NIPAL3: variants seen among roughly 807,000 people sequenced by gnomAD.
NIPAL3 encodes NIPA-like protein 3.
In NIPAL3, 41 loss-of-function variants were observed where a neutral mutation model predicts 47.2. The observed-to-expected ratio is 0.87, with a 90% CI of 0.68 to 1.13. The LOEUF is 1.13. Ranked by LOEUF, NIPAL3 falls within the 50% of genes most tolerant of loss-of-function variation. The pLI, the probability that NIPAL3 is intolerant of heterozygous loss-of-function variation, is 0.00. For synonymous variants in NIPAL3, 194 were observed against 209.6 expected, an observed-to-expected ratio of 0.93 and a Z score of 0.64; for missense variants, 449 against 530.1, an observed-to-expected ratio of 0.85 and a Z score of 1.50.
At chr1:24,453,339 C>T (rs1399040985) in intron 6 of NIPAL3, 69 bp from the exon 7 acceptor site, 1 of 1,093,296 alleles carries the variant, frequency 9.1e-7, no homozygotes. Flanking sequence ...TGGCCCAGCC[C>T]ACCAGGGTCT....
intron 4 of NIPAL3, among the ~76,000 whole-genome samples, chr1:24,444,115 A>G (rs756386118): frequency 1.7e-4 from 26 of 152,184 alleles, no homozygotes; most frequent in Non-Finnish European, 3.4e-4. Flanking sequence ...TCATCCAGTG[A>G]GGAGTAATAT....
chr1:24,414,474 A>G (rs1054650732), upstream of NIPAL3: 2 of 141,048 alleles, frequency 1.4e-5, no homozygotes, highest in African/African-American at 2.7e-5. Flanking sequence ...CGACCTTGTC[A>G]CTCCCCTGCT....
intron 2 of NIPAL3, among the ~76,000 whole-genome samples, chr1:24,432,054 C>T (rs1486855248): frequency 6.6e-6 from 1 of 152,188 alleles, no homozygotes; most frequent in Non-Finnish European, 1.5e-5. Flanking sequence ...ATGGCACAAA[C>T]TAGGCACTGA....
intron 4 of NIPAL3, among the ~76,000 whole-genome samples, chr1:24,444,317 G>A (rs748884701): frequency 3.9e-5 from 6 of 151,996 alleles, no homozygotes; most frequent in Non-Finnish European, 7.4e-5. Context: ...ACCTCTCAGA[G>A]AGACAAAGGA....
intron 2 of NIPAL3, among the ~76,000 whole-genome samples, chr1:24,439,074 T>C (rs1645258600): frequency 6.6e-6 from 1 of 152,030 alleles, no homozygotes. Flanking sequence ...GTTGAAAAAT[T>C]ACCGATTGGG....
At chr1:24,435,808 G>A (rs1217467341) in intron 2 of NIPAL3, among the ~76,000 whole-genome samples, 3 of 152,216 alleles carry the variant, frequency 2.0e-5, no homozygotes, top group Non-Finnish European at 4.4e-5. Flanking sequence ...CAACAGGGGA[G>A]TTGAGGGGCT....
intron 7 of NIPAL3, among the ~76,000 whole-genome samples, chr1:24,455,573 A>C (rs568687520): frequency 6.6e-6 from 1 of 152,136 alleles, no homozygotes; most frequent in African/African-American, 2.4e-5. Context: ...AATCCCAGCT[A>C]TTAGGGAGGC....
At chr1:24,415,621 G>C (rs1643980633), upstream of NIPAL3, 1 of 154,128 alleles carries the variant, frequency 6.5e-6, no homozygotes, top group African/African-American at 2.4e-5. Flanking sequence ...GCCCCAGGTC[G>C]CTCCCTTATG....
intron 6 of NIPAL3, among the ~76,000 whole-genome samples, chr1:24,450,681 A>C (rs1645895185): frequency 1.3e-5 from 2 of 152,132 alleles, no homozygotes; most frequent in Non-Finnish European, 2.9e-5. Flanking sequence ...AGGTTAGCTG[A>C]CCTGCTCAGA....
In NIPAL3 at chr1:24,472,834, T is replaced by TGAA. The variant is rs1041274874; in HGVS notation, c.*3651_*3653dup. 2 of 152,062 alleles carry TGAA rather than the reference T, an allele frequency of 1.3e-5. No homozygotes were observed. The highest frequency in any genetic ancestry group is 4.8e-5 in the African/African-American group (2 of 41,410). The allele number at this position is 152,062 out of a possible 1,614,324, so 9.4% of individuals were successfully genotyped here. On this transcript the variant is annotated 3_prime_UTR_variant, in exon 12 of 12. Transcript: ENST00000374399. Reference sequence around the variant, plus strand: ...GTGTTTCTCTGAGAAGCGGTGTAAATGAAGTCACCTTAGAATATATTCTGT... The same window carrying TGAA: ...GTGTTTCTCTGAGAAGCGGTGTAAATGAAGAAGTCACCTTAGAATATATTCTGT...
In NIPAL3 at chr1:24,451,960, AAAG is replaced by A. The variant is rs1645958780; in HGVS notation, c.541-1442_541-1440del. On this transcript the variant is annotated intron_variant, in intron 6 of 11. Coordinates refer to ENST00000374399, the MANE Select transcript of NIPAL3 (RefSeq NM_020448.5). The surrounding 1 kb of genome is among the most constrained non-coding windows in gnomAD (Gnocchi z 4.5). ...AATATGGATTCACTGGAACAAAGACAAAGAAGAAACGGGGAAATGAAAGCAGCT... is the reference window on the plus strand; with the variant it reads ...AATATGGATTCACTGGAACAAAGACAAAGAAACGGGGAAATGAAAGCAGCT... 6.6e-6 allele frequency among the ~76,000 whole-genome samples: 1 copy of A among 152,338 alleles called. No homozygotes were observed. Among genetic ancestry groups the A allele is most frequent in the African/African-American group, 2.4e-5 (1 of 41,594 alleles).
At chr1:24,440,095 G>C in intron 2 of NIPAL3, 77 bp from the exon 3 acceptor site, 1 of 965,970 alleles carries the variant, frequency 1.0e-6, no homozygotes, top group Non-Finnish European at 1.5e-6. Flanking sequence ...GGCAGCAAAT[G>C]GTTGAGTGTC....
At chr1:24,421,129 G>A (rs1474366514) in intron 2 of NIPAL3, among the ~76,000 whole-genome samples, 1 of 151,982 alleles carries the variant, frequency 6.6e-6, no homozygotes, top group Non-Finnish European at 1.5e-5. Context: ...ACCAGCCCGG[G>A]CAAACATGAT....
chr1:24,467,191 C>T (rs531299172), intron 11 of NIPAL3, among the ~76,000 whole-genome samples: 25 of 152,252 alleles, frequency 1.6e-4, no homozygotes, highest in African/African-American at 5.1e-4. Flanking sequence ...CGGCCAGGCA[C>T]GGTGGCTCAC....
intron 2 of NIPAL3, among the ~76,000 whole-genome samples, chr1:24,434,851 A>G (rs923430694): frequency 1.3e-5 from 2 of 152,210 alleles, no homozygotes; most frequent in Non-Finnish European, 2.9e-5. Flanking sequence ...ATAACCAACA[A>G]GTCAATGAAA....
chr1:24,452,442 T>G (rs1215811782), intron 6 of NIPAL3, among the ~76,000 whole-genome samples: 1 of 152,212 alleles, frequency 6.6e-6, no homozygotes. Context: ...GATAAAATGC[T>G]TAGAACACTG....
In NIPAL3 at chr1:24,419,283, C is replaced by T. The variant is rs1352580512; in HGVS notation, c.-257-8C>T. Reference sequence around the variant, plus strand: ...ATGCATTTTTAATGTTCCTCTCCACCACCCTAGAGCACCGCAAGAACTGGA... The same window carrying T: ...ATGCATTTTTAATGTTCCTCTCCACTACCCTAGAGCACCGCAAGAACTGGA... On this transcript the variant is annotated splice_region_variant and splice_polypyrimidine_tract_variant and intron_variant, in intron 1 of 11. Transcript: ENST00000374399. The T allele has an allele frequency of 5.2e-6, 6 of 1,144,238 alleles. No individual in the cohort carries two copies. Among genetic ancestry groups the T allele is most frequent in the Non-Finnish European group, 6.4e-6 (6 of 931,740 alleles). 70.9% of individuals were successfully genotyped at this position (1,144,238 alleles called of 1,614,324 possible).
At chr1:24,464,210 G>A (rs1265238170) in intron 11 of NIPAL3, 90 bp downstream of exon 11, 2 of 950,530 alleles carry the variant, frequency 2.1e-6, no homozygotes, top group Admixed American at 2.5e-5. Flanking sequence ...CTGCTGTGCT[G>A]TGCCTTTATC....
chr1:24,458,068 T>C (rs1646304353), intron 8 of NIPAL3, among the ~76,000 whole-genome samples: 1 of 152,204 alleles, frequency 6.6e-6, no homozygotes, highest in East Asian at 1.9e-4. Flanking sequence ...ACAGAGATGA[T>C]GAGGGTAGTC....
Sources: gnomAD v4.1 joint callset for allele counts (sites outside exome capture counted in the v4.1 genomes callset) on GRCh38, gnomAD v4.1.1 for gene constraint, Gnocchi (gnomAD v3.1) non-coding constraint, MANE v1.5 for transcripts, NCBI Gene and HGNC (gene_info 2026-07-23, HGNC 2026-07-21) for gene names.